CEP57: variants seen among roughly 807,000 people sequenced by gnomAD.
CEP57 encodes centrosomal protein 57.
In CEP57, 40 loss-of-function variants were observed where a neutral mutation model predicts 68.0. That is an observed-to-expected ratio of 0.59 (90% confidence interval 0.46 to 0.77). CEP57 has a LOEUF of 0.77. CEP57 is among the 30% of genes least tolerant of loss of function. The pLI, the probability that CEP57 is intolerant of heterozygous loss-of-function variation, is 0.00. For synonymous variants in CEP57, 219 were observed against 198.7 expected, an observed-to-expected ratio of 1.10 and a Z score of -0.86; for missense variants, 606 against 580.7, an observed-to-expected ratio of 1.04 and a Z score of -0.45.
At chr11:95,825,426 C>A (rs1440699433) in intron 8 of CEP57, among the ~76,000 whole-genome samples, 1 of 152,062 alleles carries the variant, frequency 6.6e-6, no homozygotes, top group African/African-American at 2.4e-5. Context: ...ATTAAAGAGT[C>A]AGTAGACACC....
chr11:95,815,302 G>T (rs1862255685), intron 4 of CEP57: 1 of 152,148 alleles, frequency 6.6e-6, no homozygotes, highest in South Asian at 2.1e-4. Flanking sequence ...TCTTATTTCA[G>T]TGGTTATAAT....
chr11:95,812,867 C>G, intron 2 of CEP57, 65 bp from the exon 3 acceptor site: 1 of 1,423,214 alleles, frequency 7.0e-7, no homozygotes, highest in Non-Finnish European at 9.9e-7. Flanking sequence ...TGAGTTTATT[C>G]TTTCTTAATA....
chr11:95,811,665 G>A (rs1012882046), intron 2 of CEP57, among the ~76,000 whole-genome samples: 1 of 150,838 alleles, frequency 6.6e-6, no homozygotes, highest in African/African-American at 2.4e-5. Flanking sequence ...TAGAATTAAA[G>A]GCAGATAATA....
chr11:95,819,074 C>G (rs1312161006), intron 6 of CEP57, among the ~76,000 whole-genome samples, 170 bp downstream of exon 6: 1 of 152,152 alleles, frequency 6.6e-6, no homozygotes, highest in Middle Eastern at 3.4e-3. Flanking sequence ...TTTTTATAGA[C>G]AGAGTAAAAT....
intron 2 of CEP57, among the ~76,000 whole-genome samples, chr11:95,799,950 C>T (rs556575577): frequency 1.8e-4 from 27 of 152,300 alleles, no homozygotes; most frequent in African/African-American, 6.0e-4. Context: ...CCTAACTTGT[C>T]TTCTGTTTTT....
intron 10 of CEP57, 139 bp from the exon 11 acceptor site, chr11:95,830,887 A>G: frequency 1.7e-6 from 1 of 595,852 alleles, no homozygotes; most frequent in South Asian, 1.9e-5. Flanking sequence ...GAAGTCTTTA[A>G]AAGAAAGCCT....
intron 1 of CEP57, among the ~76,000 whole-genome samples, chr11:95,793,965 A>G (rs1861219675): frequency 1.3e-5 from 2 of 152,166 alleles, no homozygotes; most frequent in South Asian, 4.1e-4. Context: ...AGTCTACAAG[A>G]TCCTTCTGTA....
chr11:95,791,947 TAGA>T (rs905278087), intron 1 of CEP57, among the ~76,000 whole-genome samples: 10 of 152,136 alleles, frequency 6.6e-5, no homozygotes, highest in African/African-American at 2.2e-4. Flanking sequence ...GGGAAGGAAC[TAGA>T]AGAGTATCAG....
intron 4 of CEP57, among the ~76,000 whole-genome samples, chr11:95,814,296 G>A (rs1175334019): frequency 6.6e-6 from 1 of 151,266 alleles, no homozygotes; most frequent in Admixed American, 6.6e-5. Context: ...TGATCAGGCC[G>A]CCTCGGCCTC....
rs757940963 is a variant in CEP57 at position 95,828,028 on chromosome 11, G to T, written c.1127+1G>T. On this transcript the variant is annotated splice_donor_variant, in intron 9 of 10. Coordinates refer to ENST00000325542, the MANE Select transcript of CEP57 (RefSeq NM_014679.5). LOFTEE classifies it high-confidence loss of function. Reference sequence around the variant, plus strand: ...AGGATGAATTTGGGCAAATGAGCTTGTGAGTTTTTGTTTTTTTTTTTAAAT... The same window carrying T: ...AGGATGAATTTGGGCAAATGAGCTTTTGAGTTTTTGTTTTTTTTTTTAAAT... 6.2e-7 allele frequency: 1 copy of T among 1,611,442 alleles called. No individual in the cohort carries two copies.
chr11:95,822,202 T>C, intron 7 of CEP57: 1 of 586,448 alleles, frequency 1.7e-6, no homozygotes, highest in Non-Finnish European at 3.0e-6. Context: ...CATACAAAAT[T>C]AGCATTATTA....
intron 4 of CEP57, among the ~76,000 whole-genome samples, chr11:95,816,800 G>C (rs771348883): frequency 6.6e-6 from 1 of 151,988 alleles, no homozygotes; most frequent in Non-Finnish European, 1.5e-5. Context: ...ATTACTTGAG[G>C]TCGGGTTTGA....
intron 2 of CEP57, among the ~76,000 whole-genome samples, chr11:95,800,039 G>A (rs991911123): frequency 3.3e-5 from 5 of 151,908 alleles, no homozygotes; most frequent in Admixed American, 6.6e-5. Flanking sequence ...TTTTCTTGTC[G>A]CCTTAACAAA....
chr11:95,830,948 CTTGTACTTTTTG>C, intron 10 of CEP57, 66 bp from the exon 11 acceptor site: 1 of 1,093,762 alleles, frequency 9.1e-7, no homozygotes, highest in Non-Finnish European at 1.4e-6. Context: ...AAAAGGTACT[CTTGTACTTTTTG>C]TTGTCAGAAA....
At chr11:95,810,522 T>C (rs1282743930) in intron 2 of CEP57, among the ~76,000 whole-genome samples, 1 of 152,188 alleles carries the variant, frequency 6.6e-6, no homozygotes, top group Non-Finnish European at 1.5e-5. Context: ...ACAAAATCAA[T>C]GTGCAAAAAT....
Position 95,818,882 on chromosome 11 carries a change from G to T in CEP57, c.677G>T (p.Arg226Leu). 6.2e-7 allele frequency: 1 copy of T among 1,613,896 alleles called. No individual in the cohort carries two copies. The highest frequency in any genetic ancestry group is 1.1e-5 in the South Asian group (1 of 91,080). Reference protein sequence around the residue: ...KLHEEEQERKRMQAKAAELQT... With the variant: ...KLHEEEQERKLMQAKAAELQT... ...CATGAAGAAGAACAGGAAAGGAAAC[G>T]CATGCAAGCTAAGGCAGCTGAGGTA... Residue 226 changes from arginine to leucine, a missense_variant, in exon 6 of 11, where the codon CGC (arginine) becomes CTC (leucine). Coordinates refer to ENST00000325542, the MANE Select transcript of CEP57 (RefSeq NM_014679.5).
intron 6 of CEP57, among the ~76,000 whole-genome samples, chr11:95,820,633 ATCAAAT>A (rs1862484003): frequency 6.6e-6 from 1 of 151,372 alleles, no homozygotes; most frequent in African/African-American, 2.4e-5. Context: ...TGTTGGTGTG[ATCAAAT>A]GAGAATAAAA....
rs913669286 is a variant in CEP57, at chr11:95,816,550, T to C, written c.505-1237T>C. On this transcript the variant is annotated intron_variant, in intron 4 of 10. Transcript: ENST00000325542. ...GTCTTGGAGACAACTATTAGGCATA[T>C]GTAATAGATGTCAAGAGCTGTTAAT... is the stretch of plus-strand genomic sequence containing the variant. Among the ~76,000 whole-genome samples, 3 of 152,240 alleles carry C rather than the reference T, an allele frequency of 2.0e-5. No individual in the cohort carries two copies. In the South Asian group the frequency reaches 6.2e-4, roughly 32 times the overall value.
chr11:95,810,584 ACT>A (rs970839548), intron 2 of CEP57, among the ~76,000 whole-genome samples: 5 of 152,206 alleles, frequency 3.3e-5, no homozygotes, highest in Non-Finnish European at 7.3e-5. Flanking sequence ...TCATGAGTGA[ACT>A]CTCATTCACA....
Sources: allele counts gnomAD v4.1 joint callset (sites outside exome capture counted in the v4.1 genomes callset), GRCh38; gene constraint gnomAD v4.1.1; transcripts MANE v1.5; gene names NCBI Gene and HGNC (gene_info 2026-07-23, HGNC 2026-07-21).